FSCN3: variants seen among roughly 807,000 people sequenced by gnomAD.
FSCN3 encodes fascin actin-bundling protein 3, also known as fascin-3.
Under a neutral mutation model 53.5 loss-of-function variants are expected in FSCN3, and 43 were observed. That is an observed-to-expected ratio of 0.80 (90% confidence interval 0.63 to 1.04). FSCN3 has a LOEUF of 1.04. FSCN3 is among the 50% of genes least tolerant of loss of function. The pLI, the probability that FSCN3 is intolerant of heterozygous loss-of-function variation, is 0.00. For missense variants in FSCN3, 594 were observed against 646.5 expected (o/e 0.92, Z 0.88); for synonymous variants, 235 against 246.6 (o/e 0.95, Z 0.44).
intron 6 of FSCN3, 132 bp downstream of exon 6, chr7:127,600,531 G>T: frequency 1.6e-6 from 1 of 618,738 alleles, no homozygotes; most frequent in Non-Finnish European, 2.9e-6. Flanking sequence ...CCCATAATTT[G>T]ATCAACTCCA....
At position 127,595,586 on chromosome 7, in the gene FSCN3, C is replaced by T. The variant is rs1794374057; in HGVS notation, c.424C>T (p.Leu142Phe). The T allele has an allele frequency of 1.2e-6, 2 of 1,614,190 alleles. No individual in the cohort carries two copies. Among genetic ancestry groups the T allele is most frequent in the Admixed American group, 1.7e-5 (1 of 60,022 alleles). Residue 142 changes from leucine (L) to phenylalanine (F), a missense_variant, in exon 2 of 7, where the codon CTC becomes TTC. Coordinates refer to ENST00000265825, the MANE Select transcript of FSCN3 (RefSeq NM_020369.3). ...AYHMWTPRPA[L>F]HVHVILYSPI... ...CCACATGTGGACCCCCCGACCAGCCCTCCATGTCCACGTGATCCTCTACAG... is the reference window on the plus strand; with the variant it reads ...CCACATGTGGACCCCCCGACCAGCCTTCCATGTCCACGTGATCCTCTACAG...
intron 1 of FSCN3, among the ~76,000 whole-genome samples, chr7:127,594,267 TGTGTGTGTGTGTGC>T (rs1487876381): frequency 4.5e-5 from 5 of 110,662 alleles, no homozygotes; most frequent in Non-Finnish European, 7.0e-5. Flanking sequence ...TGTGTGTGTG[TGTGTGTGTGTGTGC>T]GCACTTGCCT....
intron 1 of FSCN3, among the ~76,000 whole-genome samples, 163 bp downstream of exon 1, chr7:127,594,160 C>CTGTG (rs749215425): frequency 0.2 from 17,593 of 89,118 alleles, 3,093 homozygotes; most frequent in Middle Eastern, 0.23. Context: ...AGTGGCCAAG[C>CTGTG]TGTGTGTGTG....
Position 127,594,160 on chromosome 7 carries a change from C to CTGTGTGTGTGTG in FSCN3, c.144+189_144+200dup, listed in dbSNP as rs749215425. Among the ~76,000 whole-genome samples the CTGTGTGTGTGTG allele has an allele frequency of 6.9e-4, 62 of 89,232 alleles. 1 individual carries two copies. Among genetic ancestry groups the CTGTGTGTGTGTG allele is most frequent in the African/African-American group, 2.6e-3 (57 of 21,858 alleles). The allele number at this position is 89,232 out of a possible 152,430, so 58.5% of individuals were successfully genotyped here. A position where few individuals can be genotyped will look rare whatever the true frequency, so the allele number is the denominator to read the frequency against. ...GGAACCGGTTTTCTGAGTGGCCAAG[C>CTGTGTGTGTGTG]TGTGTGTGTGTGTGTGTGTGTGTGT... is the stretch of plus-strand genomic sequence containing the variant. On this transcript the variant is annotated intron_variant, in intron 1 of 6. Transcript: ENST00000265825.
intron 4 of FSCN3, 95 bp downstream of exon 4, chr7:127,598,689 G>A (rs367761584): frequency 9.3e-7 from 1 of 1,076,562 alleles, no homozygotes; most frequent in Non-Finnish European, 1.4e-6. Flanking sequence ...CTGAAGGCCG[G>A]GCGTGGTGGC....
At chr7:127,600,721 CTA>C (rs1447455832) in intron 6 of FSCN3, among the ~76,000 whole-genome samples, 3 of 152,112 alleles carry the variant, frequency 2.0e-5, no homozygotes, top group African/African-American at 7.2e-5. Flanking sequence ...GAATTTCACT[CTA>C]TTTTTAGGGA....
intron 6 of FSCN3, 107 bp downstream of exon 6, chr7:127,600,506 C>T: frequency 4.6e-6 from 3 of 659,096 alleles, no homozygotes; most frequent in Non-Finnish European, 5.5e-6. Flanking sequence ...AATGCACTCC[C>T]AGGCTGACTT....
chr7:127,598,748 G>A (rs560030351), intron 4 of FSCN3, among the ~76,000 whole-genome samples, 154 bp downstream of exon 4: 1 of 152,226 alleles, frequency 6.6e-6, no homozygotes, highest in South Asian at 2.1e-4. Flanking sequence ...GGTGGATCAC[G>A]AGGTTAGGAG....
intron 1 of FSCN3, chr7:127,594,499 G>C (rs1222856585): frequency 2.1e-6 from 1 of 470,832 alleles, no homozygotes; most frequent in South Asian, 1.5e-5. Context: ...CCCAGCACAG[G>C]GTGGTTGTGT....
In FSCN3 at chr7:127,600,359, A is replaced by G. The variant is rs1343987788; in HGVS notation, c.1457A>G (p.Asp486Gly). The part of the protein sequence containing the change: ...RADQSGTLLA[D>G]SEDITRECIW... ...GACCAAAGTGGCACCCTGTTGGCAG[A>G]CAGTGAAGACATTACCAGAGAGTGT... is the stretch of plus-strand genomic sequence containing the variant. The change falls in exon 6 of 7, where the codon GAC becomes GGC. Residue 486 changes from aspartate (D) to glycine (G), a missense_variant. Coordinates refer to ENST00000265825, the MANE Select transcript of FSCN3 (RefSeq NM_020369.3). 6.2e-7 allele frequency: 1 copy of G among 1,613,180 alleles called. No homozygotes were observed. Among genetic ancestry groups the G allele is most frequent in the Non-Finnish European group, 8.5e-7 (1 of 1,179,058 alleles).
intron 2 of FSCN3, 133 bp downstream of exon 2, chr7:127,596,136 T>A (rs956203911): frequency 2.7e-6 from 4 of 1,489,552 alleles, no homozygotes; most frequent in Non-Finnish European, 3.6e-6. Context: ...GGATCTTTTG[T>A]GCCATCGAGA....
chr7:127,595,961 A>C lies in FSCN3; in HGVS notation c.799A>C (p.Ser267Arg). The change falls in exon 2 of 7, where the codon AGC (serine) becomes CGC (arginine). Residue 267 changes from serine to arginine, a missense_variant. Coordinates refer to ENST00000265825, the MANE Select transcript of FSCN3 (RefSeq NM_020369.3). ...CCTACAGCACTGCCCAACCTGGGTC[A>C]GCCTCAGGTCAAAGACTGGGCGGTT... ...FILQHCPTWV[S>R]LRSKTGRFIS... 6.3e-7 allele frequency: 1 copy of C among 1,580,506 alleles called. No homozygotes were observed.
At chr7:127,599,616 A>G in intron 5 of FSCN3, 65 bp downstream of exon 5, 1 of 1,471,844 alleles carries the variant, frequency 6.8e-7, no homozygotes, top group South Asian at 1.2e-5. Context: ...CCCAGCTCAG[A>G]CTTCAGGGCC....
In FSCN3 at chr7:127,599,492, A is replaced by G. The variant is rs1260628175; in HGVS notation, c.1232A>G (p.Gln411Arg). 4 of 1,614,032 alleles carry G rather than the reference A, an allele frequency of 2.5e-6. No individual in the cohort carries two copies. The African/African-American group carries it at 4.0e-5, about 16-fold the overall frequency. The change falls in exon 5 of 7, where the codon CAG (glutamine) becomes CGG (arginine). Residue 411 changes from glutamine (Q) to arginine (R), a missense_variant. Transcript: ENST00000265825. ...GGCCATGACCTCATACAGTGCAACC[A>G]GGATCAGCCCGACCGCATTCATCTA... The part of the protein sequence containing the change: ...SSGHDLIQCN[Q>R]DQPDRIHLLP...
chr7:127,594,051 T>TGTGTGTGTGCGCGCGCGC (rs1437740320), intron 1 of FSCN3, 54 bp downstream of exon 1: 37 of 1,596,178 alleles, frequency 2.3e-5, no homozygotes, highest in African/African-American at 2.7e-5. Context: ...AAGCTGTGTG[T>TGTGTGTGTGCGCGCGCGC]GTGTGTGTGC....
At chr7:127,597,548 G>A (rs1044709717) in intron 3 of FSCN3, among the ~76,000 whole-genome samples, 5 of 150,806 alleles carry the variant, frequency 3.3e-5, no homozygotes, top group Admixed American at 2.0e-4. Flanking sequence ...GCTCAGTCTC[G>A]GCTCACCACA....
Position 127,600,202 on chromosome 7 carries a change from G to C in FSCN3, c.1300G>C (p.Gly434Arg). The C allele has an allele frequency of 6.3e-7, 1 of 1,592,256 alleles. No individual in the cohort carries two copies. The highest frequency in any genetic ancestry group is 2.2e-5 in the East Asian group (1 of 44,748). Residue 434 changes from glycine to arginine, a missense_variant, in exon 6 of 7, where the codon GGA (glycine) becomes CGA (arginine). Gly to Arg is a moderately radical substitution (Grantham distance 125). Coordinates refer to ENST00000265825, the MANE Select transcript of FSCN3 (RefSeq NM_020369.3). ...PGIYHFQAQG[G>R]SFWSITSFGT... ...AGCTCTTCCTTCTCCAGCACAGGGG[G>C]GATCCTTCTGGTCAATAACATCCTT... is the stretch of plus-strand genomic sequence containing the variant.
intron 1 of FSCN3, 71 bp downstream of exon 1, chr7:127,594,068 G>A (rs1049341159): frequency 1.9e-5 from 28 of 1,502,752 alleles, no homozygotes; most frequent in South Asian, 6.1e-5. Context: ...GTGCGCGCGC[G>A]CGTGTGTGTG....
At chr7:127,598,689 G>C in intron 4 of FSCN3, 95 bp downstream of exon 4, 1 of 1,076,562 alleles carries the variant, frequency 9.3e-7, no homozygotes, top group Non-Finnish European at 1.4e-6. Flanking sequence ...CTGAAGGCCG[G>C]GCGTGGTGGC....
Sources: allele counts gnomAD v4.1 joint callset (sites outside exome capture counted in the v4.1 genomes callset), GRCh38; gene constraint gnomAD v4.1.1; transcripts MANE v1.5; gene names NCBI Gene and HGNC (gene_info 2026-07-23, HGNC 2026-07-21).